The following SPATA13 variants were observed in gnomAD, a reference collection of about 807,000 sequenced individuals.
SPATA13 encodes spermatogenesis associated 13.
SPATA13 carries 50 observed loss-of-function variants against 104.0 expected under a neutral mutation model. The ratio of observed to expected loss-of-function variants is 0.48; its 90% confidence interval spans 0.38 to 0.61. The LOEUF (loss-of-function observed/expected upper bound fraction) is 0.61. Ranked by LOEUF, SPATA13 falls within the 20% of genes least tolerant of loss-of-function variation. The pLI is 0.00. For synonymous variants in SPATA13, 606 were observed against 667.5 expected (o/e 0.91, Z 1.42); for missense variants, 1,524 against 1,690.6 (o/e 0.90, Z 1.73).
chr13:24,050,678 G>C (rs1006197482), intron 3 of SPATA13, among the ~76,000 whole-genome samples: 4 of 152,132 alleles, frequency 2.6e-5, no homozygotes, highest in Admixed American at 2.6e-4. Flanking sequence ...TCCAATGCAG[G>C]GATGTGGAGG....
At chr13:24,005,893 C>A (rs1876201317) in intron 2 of SPATA13, among the ~76,000 whole-genome samples, 1 of 152,208 alleles carries the variant, frequency 6.6e-6, no homozygotes. Context: ...AAGACATCCA[C>A]CCCCTTGACC....
At chr13:24,098,539 C>T (rs957135786) in intron 3 of SPATA13, among the ~76,000 whole-genome samples, 12 of 150,168 alleles carry the variant, frequency 8.0e-5, no homozygotes, top group African/African-American at 3.0e-4. Flanking sequence ...TGAGGCCGCA[C>T]TGAGCTGTGA....
intron 2 of SPATA13, among the ~76,000 whole-genome samples, chr13:24,242,949 T>G (rs976846031): frequency 2.0e-5 from 3 of 152,216 alleles, no homozygotes; most frequent in Admixed American, 1.3e-4. Flanking sequence ...CATTGGGTAA[T>G]GAGATATAGT....
At chr13:24,130,934 G>A (rs749138706) in intron 3 of SPATA13, among the ~76,000 whole-genome samples, 8 of 152,214 alleles carry the variant, frequency 5.3e-5, no homozygotes, top group Non-Finnish European at 1.0e-4. Flanking sequence ...AGCTACGGAG[G>A]AATGAGACAG....
chr13:24,172,897 T>C (rs561898207), intron 1 of SPATA13, among the ~76,000 whole-genome samples: 2 of 152,368 alleles, frequency 1.3e-5, no homozygotes, highest in South Asian at 2.1e-4. Flanking sequence ...TTGGGTAGAA[T>C]TGACATCTTT....
At chr13:24,122,432 A>G in intron 3 of SPATA13, 3 of 1,595,244 alleles carry the variant, frequency 1.9e-6, no homozygotes, top group African/African-American at 1.3e-5. Context: ...TCTTCTTACC[A>G]GTCTTCATCG....
chr13:24,175,146 G>A (rs536513982), intron 1 of SPATA13, among the ~76,000 whole-genome samples: 1 of 152,316 alleles, frequency 6.6e-6, no homozygotes, highest in South Asian at 2.1e-4. Flanking sequence ...GCGGAGTTCT[G>A]TAGCTCTCTA....
At chr13:24,103,499 A>AC (rs1593331006) in intron 3 of SPATA13, among the ~76,000 whole-genome samples, 1 of 149,402 alleles carries the variant, frequency 6.7e-6, no homozygotes. Flanking sequence ...AAAAAAAAAA[A>AC]AAACAAGAAA....
Position 24,006,578 on chromosome 13 carries a change from A to G in SPATA13, c.-146-11089A>G, listed in dbSNP as rs190414789. Among the ~76,000 whole-genome samples, 63 of 152,286 alleles carry G rather than the reference A, an allele frequency of 4.1e-4. 1 individual carries two copies. The highest frequency in any genetic ancestry group is 3.8e-4 in the Non-Finnish European group (26 of 68,010). ...CCAGGCCAGGCCGGCCCAAGTACTAATTCATCACAGTTGCAGGTGTGGTTG... is the reference window on the plus strand; with the variant it reads ...CCAGGCCAGGCCGGCCCAAGTACTAGTTCATCACAGTTGCAGGTGTGGTTG... On this transcript the variant is annotated intron_variant, in intron 2 of 14. Transcript: ENST00000424834.
chr13:23,994,683 T>C (rs1434123339), intron 2 of SPATA13, among the ~76,000 whole-genome samples: 3 of 152,190 alleles, frequency 2.0e-5, no homozygotes, highest in East Asian at 1.9e-4. Flanking sequence ...AAAATGAGTA[T>C]AGAGTGCTGT....
At chr13:24,283,477 ATTG>A (rs1412041178) in intron 4 of SPATA13, among the ~76,000 whole-genome samples, 1 of 152,252 alleles carries the variant, frequency 6.6e-6, no homozygotes, top group Admixed American at 6.5e-5. Context: ...TCAGTGACAG[ATTG>A]TTGGCTTTGC....
intron 3 of SPATA13, among the ~76,000 whole-genome samples, chr13:24,098,130 T>TA (rs1218841696): frequency 3.3e-5 from 5 of 152,194 alleles, no homozygotes; most frequent in Admixed American, 6.5e-5. Flanking sequence ...AGGGAGTTTT[T>TA]ATCTCAAAGC....
At chr13:23,982,919 C>T (rs1874968748) in intron 1 of SPATA13, among the ~76,000 whole-genome samples, 1 of 152,204 alleles carries the variant, frequency 6.6e-6, no homozygotes, top group South Asian at 2.1e-4. Context: ...TTCTCTCCCT[C>T]ACCTCCTCAA....
intron 3 of SPATA13, among the ~76,000 whole-genome samples, chr13:24,075,737 C>T (rs1440838145): frequency 4.6e-5 from 7 of 152,246 alleles, no homozygotes; most frequent in African/African-American, 1.7e-4. Flanking sequence ...TCACCTTGAC[C>T]TCCAATTCTG....
intron 1 of SPATA13, among the ~76,000 whole-genome samples, chr13:24,189,276 C>T (rs1869355905): frequency 1.3e-5 from 2 of 151,708 alleles, no homozygotes; most frequent in South Asian, 4.1e-4. Flanking sequence ...TGGAGACCAT[C>T]CTGGCTAACA....
At chr13:24,177,509 C>T (rs1315748643) in intron 1 of SPATA13, among the ~76,000 whole-genome samples, 1 of 152,174 alleles carries the variant, frequency 6.6e-6, no homozygotes, top group Non-Finnish European at 1.5e-5. Flanking sequence ...TTTTTAGACA[C>T]AGTCTTACTC....
At chr13:24,208,437 C>T (rs1870832062) in intron 1 of SPATA13, among the ~76,000 whole-genome samples, 1 of 152,180 alleles carries the variant, frequency 6.6e-6, no homozygotes, top group African/African-American at 2.4e-5. Flanking sequence ...TCATAATCCC[C>T]AGTGCTCCTA....
chr13:24,271,587 C>T (rs541646560), intron 4 of SPATA13, among the ~76,000 whole-genome samples: 2 of 152,286 alleles, frequency 1.3e-5, no homozygotes, highest in South Asian at 4.1e-4. Context: ...ACTTTGTACT[C>T]TCACACTAGG....
chr13:23,988,580 A>G (rs991423479), intron 2 of SPATA13, among the ~76,000 whole-genome samples: 2 of 152,178 alleles, frequency 1.3e-5, no homozygotes, highest in Non-Finnish European at 2.9e-5. Context: ...ATGCTGATGA[A>G]TTTCCTTCTG....
Sources: allele counts gnomAD v4.1 joint callset (sites outside exome capture counted in the v4.1 genomes callset), GRCh38; gene constraint gnomAD v4.1.1; transcripts MANE v1.5; gene names NCBI Gene and HGNC (gene_info 2026-07-23, HGNC 2026-07-21).